PARD3B: variants seen among roughly 807,000 people sequenced by gnomAD.
The protein encoded by PARD3B is partitioning defective 3 homolog B.
PARD3B carries 103 observed loss-of-function variants against 130.2 expected under a neutral mutation model. The ratio of observed to expected loss-of-function variants is 0.79; its 90% CI spans 0.67 to 0.93. The LOEUF (loss-of-function observed/expected upper bound fraction) is 0.93. PARD3B is among the 40% of genes least tolerant of loss of function. The probability of loss-of-function intolerance (pLI) is 0.00; values close to 1 mark genes in which losing one functional copy is unlikely to be tolerated. For missense variants in PARD3B, 1,609 were observed against 1,499.2 expected (o/e 1.07, Z -1.21); for synonymous variants, 583 against 553.2 (o/e 1.05, Z -0.76).
chr2:205,049,759 A>G (rs1401185317), intron 4 of PARD3B, among the ~76,000 whole-genome samples: 5 of 152,192 alleles, frequency 3.3e-5, no homozygotes. Context: ...TAATTCAAGA[A>G]TAAATGCTGG....
chr2:205,219,697 G>C (rs1406476461), intron 15 of PARD3B, among the ~76,000 whole-genome samples: 4 of 152,196 alleles, frequency 2.6e-5, no homozygotes, highest in Non-Finnish European at 5.9e-5. Flanking sequence ...ATAAGCTCTT[G>C]AGGAAATGCA....
rs1449916821 is a variant in PARD3B, at chr2:205,265,669, AT to A, written c.2185+19849del. ...GAAAAACAATATTTTATAGGAAAAC[AT>A]TAGTAACAAGAGAGATATCTTAATT... On this transcript the variant is annotated intron_variant, in intron 16 of 22. Transcript: ENST00000406610. The surrounding 1 kb of genome is among the most constrained non-coding windows in gnomAD (Gnocchi z 4.3). Among the ~76,000 whole-genome samples the A allele has an allele frequency of 2.0e-5, 3 of 152,048 alleles. No individual in the cohort carries two copies. The highest frequency in any genetic ancestry group is 2.9e-5 in the Non-Finnish European group (2 of 67,930).
intron 1 of PARD3B, among the ~76,000 whole-genome samples, chr2:204,685,336 C>T (rs139922795): frequency 6.6e-6 from 1 of 152,192 alleles, no homozygotes; most frequent in African/African-American, 2.4e-5. Context: ...TATGGTAAAA[C>T]CTTACTCATG....
chr2:205,097,553 G>A (rs1181304448), intron 4 of PARD3B, among the ~76,000 whole-genome samples: 2 of 152,126 alleles, frequency 1.3e-5, no homozygotes, highest in Non-Finnish European at 2.9e-5. Context: ...GGTTTTTGAA[G>A]TGTGGCTCCT....
At chr2:205,117,145 G>A (rs962519559) in intron 6 of PARD3B, among the ~76,000 whole-genome samples, 4 of 152,270 alleles carry the variant, frequency 2.6e-5, no homozygotes, top group East Asian at 1.9e-4. Flanking sequence ...AATCCAAAAT[G>A]TGAACTCTTA....
intron 22 of PARD3B, among the ~76,000 whole-genome samples, chr2:205,595,458 G>A (rs1474779562): frequency 2.0e-5 from 3 of 152,050 alleles, no homozygotes; most frequent in African/African-American, 4.8e-5. Context: ...TAAATTAGAC[G>A]ACTCATACTT....
intron 9 of PARD3B, 115 bp downstream of exon 9, chr2:205,124,581 A>T: frequency 2.7e-6 from 2 of 742,130 alleles, no homozygotes; most frequent in South Asian, 6.3e-5. Context: ...AACCTAATAT[A>T]TATTAAAAAT....
rs543002897 is a variant in PARD3B at position 205,285,080 on chromosome 2, G to A, written c.2186-15450G>A. Reference sequence around the variant, plus strand: ...TAAACCCTTTTTAGAAAAGCCTTGTGTTTTTATATTTTTATTGTAAGTAAT... The same window carrying A: ...TAAACCCTTTTTAGAAAAGCCTTGTATTTTTATATTTTTATTGTAAGTAAT... On this transcript the variant is annotated intron_variant, in intron 16 of 22. Coordinates refer to ENST00000406610, the MANE Select transcript of PARD3B (RefSeq NM_001302769.2). Among the ~76,000 whole-genome samples, 70 of 148,518 alleles carry A rather than the reference G, an allele frequency of 4.7e-4. No homozygotes were observed. The South Asian group carries it at 6.2e-3, about 13-fold the overall frequency.
intron 20 of PARD3B, among the ~76,000 whole-genome samples, 177 bp from the exon 21 acceptor site, chr2:205,499,719 C>T (rs748320648): frequency 1.3e-5 from 2 of 152,134 alleles, no homozygotes; most frequent in African/African-American, 2.4e-5. Flanking sequence ...AAGGTAGGCA[C>T]GTAAAGACCA....
intron 2 of PARD3B, among the ~76,000 whole-genome samples, chr2:204,786,894 T>C (rs941938316): frequency 2.0e-5 from 3 of 151,834 alleles, no homozygotes. Flanking sequence ...AAAATATCAA[T>C]AAAACTAAAA....
chr2:205,267,053 A>G (rs2040534421), intron 16 of PARD3B, among the ~76,000 whole-genome samples: 1 of 152,180 alleles, frequency 6.6e-6, no homozygotes, highest in Admixed American at 6.6e-5. Context: ...TTATTTTTTC[A>G]GAGTTTTTAC....
At chr2:204,997,610 A>G (rs1489810542) in intron 3 of PARD3B, among the ~76,000 whole-genome samples, 3 of 151,724 alleles carry the variant, frequency 2.0e-5, no homozygotes, top group Admixed American at 6.6e-5. Flanking sequence ...CGTGGACACT[A>G]ATAATTTAAC....
chr2:204,939,789 T>A (rs902082721), intron 2 of PARD3B, among the ~76,000 whole-genome samples: 1 of 152,202 alleles, frequency 6.6e-6, no homozygotes, highest in African/African-American at 2.4e-5. Context: ...AATATTTCTT[T>A]AGGGAAACCC....
chr2:204,886,233 A>G (rs1356742762), intron 2 of PARD3B, among the ~76,000 whole-genome samples: 1 of 152,222 alleles, frequency 6.6e-6, no homozygotes, highest in African/African-American at 2.4e-5. Context: ...ATGAGGAGGC[A>G]AACCTTACCC....
In PARD3B at chr2:204,725,414, A is replaced by G. The variant is rs77049977; in HGVS notation, c.222+39132A>G. ...TTAATGTAAAAACTATAGCAAACAC[A>G]GTAATTTTACTTTGTAATTCTGCTA... On this transcript the variant is annotated intron_variant, in intron 2 of 22. Transcript: ENST00000406610. 9.6e-3 allele frequency among the ~76,000 whole-genome samples: 1,463 copies of G among 152,306 alleles called. 21 individuals carry two copies. Among genetic ancestry groups the G allele is most frequent in the African/African-American group, 0.033 (1,389 of 41,568 alleles).
chr2:205,383,139 G>GATAA (rs1480539066), intron 18 of PARD3B, among the ~76,000 whole-genome samples: 22 of 129,964 alleles, frequency 1.7e-4, no homozygotes, highest in Non-Finnish European at 3.1e-4. Flanking sequence ...TAGATAGATA[G>GATAA]ATCGATCTAA....
At chr2:204,703,514 G>A (rs1478850376) in intron 2 of PARD3B, among the ~76,000 whole-genome samples, 2 of 152,270 alleles carry the variant, frequency 1.3e-5, no homozygotes, top group East Asian at 3.9e-4. Context: ...TTTATGAAAT[G>A]TTTTAATTTC....
intron 2 of PARD3B, among the ~76,000 whole-genome samples, chr2:204,940,384 A>G (rs62173480): frequency 0.031 from 4,725 of 152,242 alleles, 101 homozygotes; most frequent in African/African-American, 0.054. Context: ...ATTCTCTGGG[A>G]GCGAACTGGA....
At position 205,128,756 on chromosome 2, in the gene PARD3B, A is replaced by T. The variant is rs1470214864; in HGVS notation, c.1434+3019A>T. ...TCTAGATATATTATGGGGTAGATAG[A>T]TTTATGCAGCCTTGCCTGGGACTAA... On this transcript the variant is annotated intron_variant, in intron 10 of 22. Transcript: ENST00000406610. The surrounding 1 kb of genome is among the most constrained non-coding windows in gnomAD (Gnocchi z 4.5). Among the ~76,000 whole-genome samples, 1 of 152,172 alleles carries T rather than the reference A, an allele frequency of 6.6e-6. No homozygotes were observed. The highest frequency in any genetic ancestry group is 1.9e-4 in the East Asian group (1 of 5,198).
Sources: gnomAD v4.1 joint callset for allele counts (sites outside exome capture counted in the v4.1 genomes callset) on GRCh38, gnomAD v4.1.1 for gene constraint, Gnocchi (gnomAD v3.1) non-coding constraint, MANE v1.5 for transcripts, NCBI Gene and HGNC (gene_info 2026-07-23, HGNC 2026-07-21) for gene names.